CRTC3: variants seen among roughly 807,000 people sequenced by gnomAD.
CRTC3 encodes CREB-regulated transcription coactivator 3.
Under a neutral mutation model 74.5 loss-of-function variants are expected in CRTC3, and 26 were observed. The observed-to-expected ratio is 0.35, with a 90% CI of 0.26 to 0.48. CRTC3 has a LOEUF of 0.48. CRTC3 is among the 20% of genes least tolerant of loss of function. The probability of loss-of-function intolerance (pLI) is 0.99; values close to 1 mark genes in which losing one functional copy is unlikely to be tolerated. For missense variants in CRTC3, 760 were observed against 787.3 expected, an observed-to-expected ratio of 0.97 and a Z score of 0.41; for synonymous variants, 377 against 325.8, an observed-to-expected ratio of 1.16 and a Z score of -1.69.
chr15:90,577,663 G>A (rs1048974919), intron 2 of CRTC3, among the ~76,000 whole-genome samples: 1 of 152,118 alleles, frequency 6.6e-6, no homozygotes, highest in Non-Finnish European at 1.5e-5. Flanking sequence ...AAAGAAAACA[G>A]GTTATGTATA....
rs532948001 is a variant in CRTC3 at position 90,534,989 on chromosome 15, G to A, written c.132+4786G>A. Among the ~76,000 whole-genome samples the A allele has an allele frequency of 3.2e-4, 49 of 152,054 alleles. 2 individuals carry two copies. In the South Asian group the frequency reaches 9.6e-3, roughly 30 times the overall value. ...AGCCTGACCAACATGGAGAAACCCCGTCTCTACTAAAAATACAAAAAATTA... is the reference window on the plus strand; with the variant it reads ...AGCCTGACCAACATGGAGAAACCCCATCTCTACTAAAAATACAAAAAATTA... On this transcript the variant is annotated intron_variant, in intron 1 of 14. Transcript: ENST00000268184.
intron 2 of CRTC3, among the ~76,000 whole-genome samples, chr15:90,569,335 T>C (rs1261303030): frequency 9.2e-6 from 1 of 108,148 alleles, no homozygotes; most frequent in Non-Finnish European, 1.9e-5. Flanking sequence ...TTTTTTTTTC[T>C]TGAGATGGAA....
intron 14 of CRTC3, 65 bp downstream of exon 14, chr15:90,641,264 AAG>A (rs1245845883): frequency 1.3e-5 from 14 of 1,105,422 alleles, no homozygotes; most frequent in Non-Finnish European, 1.8e-5. Context: ...GAACCTTCAT[AAG>A]AGAGTTTAAA....
intron 1 of CRTC3, among the ~76,000 whole-genome samples, chr15:90,532,390 T>G (rs1349218433): frequency 6.6e-6 from 1 of 152,242 alleles, no homozygotes; most frequent in Non-Finnish European, 1.5e-5. Context: ...GAGGAGTATC[T>G]GCCTAGTTCA....
At chr15:90,572,840 T>G (rs1233893007) in intron 2 of CRTC3, among the ~76,000 whole-genome samples, 1 of 152,190 alleles carries the variant, frequency 6.6e-6, no homozygotes, top group Non-Finnish European at 1.5e-5. Flanking sequence ...CCTCCCAAAG[T>G]GCTGGGATTA....
rs961819775 is a variant in CRTC3, at chr15:90,642,927, C to G, written c.*787C>G. 1.5e-4 allele frequency: 36 copies of G among 233,304 alleles called. No individual in the cohort carries two copies. Among genetic ancestry groups the G allele is most frequent in the African/African-American group, 7.7e-4 (35 of 45,408 alleles). 14.5% of individuals were successfully genotyped at this position (233,304 alleles called of 1,614,324 possible). ...AGGAAGACAGGGACTGCAGGTGTCTCATACTCAGTGGCCTCCAGACAAACT... is the reference window on the plus strand; with the variant it reads ...AGGAAGACAGGGACTGCAGGTGTCTGATACTCAGTGGCCTCCAGACAAACT... On this transcript the variant is annotated 3_prime_UTR_variant, in exon 15 of 15. Coordinates refer to ENST00000268184, the MANE Select transcript of CRTC3 (RefSeq NM_022769.5).
At chr15:90,628,384 G>A (rs993172694) in intron 10 of CRTC3, among the ~76,000 whole-genome samples, 1 of 152,160 alleles carries the variant, frequency 6.6e-6, no homozygotes, top group African/African-American at 2.4e-5. Context: ...ATGGGCTGAA[G>A]GTTAAAACGT....
chr15:90,580,426 C>CTT (rs1045691133), intron 2 of CRTC3, among the ~76,000 whole-genome samples: 7 of 143,018 alleles, frequency 4.9e-5, no homozygotes, highest in African/African-American at 7.6e-5. Flanking sequence ...TCTTCTTCTT[C>CTT]TTTTTTTTTT....
rs150242118 is a variant in CRTC3, at chr15:90,575,042, T to A, written c.232-18594T>A. Among the ~76,000 whole-genome samples, 913 of 152,302 alleles carry A rather than the reference T, an allele frequency of 6.0e-3. 11 individuals carry two copies. The highest frequency in any genetic ancestry group is 5.5e-3 in the Non-Finnish European group (375 of 68,024). Reference sequence around the variant, plus strand: ...TTTTTTTTCTAACAGACATTACAATTTTTTCATGTATCAAAAGTTAATGTT... The same window carrying A: ...TTTTTTTTCTAACAGACATTACAATATTTTCATGTATCAAAAGTTAATGTT... On this transcript the variant is annotated intron_variant, in intron 2 of 14. Transcript: ENST00000268184.
intron 2 of CRTC3, among the ~76,000 whole-genome samples, chr15:90,541,449 T>C (rs1000547863): frequency 2.6e-5 from 4 of 152,178 alleles, no homozygotes; most frequent in African/African-American, 9.7e-5. Flanking sequence ...ATGAACATAT[T>C]TGTACCCTAT....
At chr15:90,536,657 A>G (rs1446073795) in intron 1 of CRTC3, among the ~76,000 whole-genome samples, 1 of 152,188 alleles carries the variant, frequency 6.6e-6, no homozygotes. Context: ...CCTGGATCTC[A>G]TTTCCTGTAG....
chr15:90,598,791 C>T, intron 3 of CRTC3: 1 of 425,666 alleles, frequency 2.3e-6, no homozygotes, highest in East Asian at 4.5e-5. Flanking sequence ...AGTTACTGGA[C>T]TGTGGGTGAC....
intron 6 of CRTC3, among the ~76,000 whole-genome samples, chr15:90,611,199 AG>A (rs1402048198): frequency 6.6e-6 from 1 of 152,194 alleles, no homozygotes; most frequent in African/African-American, 2.4e-5. Flanking sequence ...GGCCTCCTTT[AG>A]GACAATGGTT....
intron 2 of CRTC3, among the ~76,000 whole-genome samples, chr15:90,591,590 G>A (rs1038781451): frequency 6.6e-6 from 1 of 152,224 alleles, no homozygotes; most frequent in African/African-American, 2.4e-5. Flanking sequence ...GCCAAGGTGG[G>A]TAGATAACTT....
intron 4 of CRTC3, 120 bp downstream of exon 4, chr15:90,602,505 C>T (rs994100110): frequency 3.1e-6 from 2 of 648,976 alleles, no homozygotes; most frequent in African/African-American, 3.7e-5. Flanking sequence ...CCTGTTTTCT[C>T]TTATAACATT....
At position 90,644,873 on chromosome 15, in the gene CRTC3, T is replaced by C. The variant is rs1969571176; in HGVS notation, c.*2733T>C. 2 of 232,372 alleles carry C rather than the reference T, an allele frequency of 8.6e-6. No homozygotes were observed. The highest frequency in any genetic ancestry group is 4.4e-5 in the African/African-American group (2 of 45,322). 14.4% of individuals were successfully genotyped at this position (232,372 alleles called of 1,614,324 possible). ...CAAGAAATCGACCATTGTACTACTC[T>C]CACTTACAGCAGTTAAACAGCATAG... On this transcript the variant is annotated 3_prime_UTR_variant, in exon 15 of 15. Coordinates refer to ENST00000268184, the MANE Select transcript of CRTC3 (RefSeq NM_022769.5).
intron 9 of CRTC3, chr15:90,624,972 G>A (rs951103445): frequency 4.6e-5 from 7 of 152,548 alleles, no homozygotes; most frequent in African/African-American, 7.2e-5. Context: ...GTGGACTGAG[G>A]GCCAGGCTGT....
At chr15:90,625,650 C>T (rs1968806741) in intron 9 of CRTC3, 126 bp from the exon 10 acceptor site, 3 of 812,148 alleles carry the variant, frequency 3.7e-6, no homozygotes, top group Admixed American at 4.0e-5. Context: ...ATCAGAGAGG[C>T]CGCACCAGGA....
chr15:90,637,122 C>G (rs1282303087), intron 11 of CRTC3, among the ~76,000 whole-genome samples: 2 of 152,186 alleles, frequency 1.3e-5, no homozygotes, highest in Non-Finnish European at 2.9e-5. Flanking sequence ...TATTGCAGCA[C>G]TATTCACAAT....
Sources: gnomAD v4.1 joint callset for allele counts (sites outside exome capture counted in the v4.1 genomes callset) on GRCh38, gnomAD v4.1.1 for gene constraint, MANE v1.5 for transcripts, NCBI Gene and HGNC (gene_info 2026-07-23, HGNC 2026-07-21) for gene names.